The following STT3B variants were observed in gnomAD, a reference collection of about 807,000 sequenced individuals.
The protein encoded by STT3B is dolichyl-diphosphooligosaccharide--protein glycosyltransferase subunit STT3B.
Under a neutral mutation model 96.8 loss-of-function variants are expected in STT3B, and 29 were observed. The ratio of observed to expected loss-of-function variants is 0.30; its 90% confidence interval spans 0.22 to 0.41. The LOEUF (loss-of-function observed/expected upper bound fraction) is 0.41. Among genes scored for constraint, STT3B ranks in the 10% least tolerant of loss-of-function variants. The probability of loss-of-function intolerance (pLI) is 1.00; values close to 1 mark genes in which losing one functional copy is unlikely to be tolerated. For synonymous variants in STT3B, 367 were observed against 360.0 expected (o/e 1.02, Z -0.22); for missense variants, 640 against 1,022.3 (o/e 0.63, Z 5.10).
At chr3:31,553,290 A>T (rs943032679) in intron 1 of STT3B, among the ~76,000 whole-genome samples, 2 of 152,130 alleles carry the variant, frequency 1.3e-5, no homozygotes, top group African/African-American at 2.4e-5. Flanking sequence ...CTGTGTCCTT[A>T]AAAAAGGCTT....
chr3:31,623,333 G>C (rs1361679598), intron 10 of STT3B, among the ~76,000 whole-genome samples: 1 of 152,120 alleles, frequency 6.6e-6, no homozygotes, highest in East Asian at 1.9e-4. Context: ...GATTTTATAA[G>C]AATTTACATA....
intron 1 of STT3B, among the ~76,000 whole-genome samples, chr3:31,537,633 A>G (rs1179912526): frequency 6.6e-6 from 1 of 152,064 alleles, no homozygotes; most frequent in Non-Finnish European, 1.5e-5. Flanking sequence ...TATGGTTTTC[A>G]TATCGTAAAG....
chr3:31,634,089 A>G (rs1699715589), intron 15 of STT3B, among the ~76,000 whole-genome samples: 1 of 152,204 alleles, frequency 6.6e-6, no homozygotes, highest in African/African-American at 2.4e-5. Flanking sequence ...TTTTATATGA[A>G]TATGTGCCAG....
At position 31,550,879 on chromosome 3, in the gene STT3B, G is replaced by T. The variant is rs140579198; in HGVS notation, c.314+17567G>T. On this transcript the variant is annotated intron_variant, in intron 1 of 15. Coordinates refer to ENST00000295770, the MANE Select transcript of STT3B (RefSeq NM_178862.3). Reference sequence around the variant, plus strand: ...TTTTTGATCCTGCCACTAGATGGCAGGAGCAATAAAAGGTAGATTGAAATG... The same window carrying T: ...TTTTTGATCCTGCCACTAGATGGCATGAGCAATAAAAGGTAGATTGAAATG... 1.2e-3 allele frequency among the ~76,000 whole-genome samples: 188 copies of T among 152,108 alleles called. 2 individuals carry two copies. The highest frequency in any genetic ancestry group is 6.8e-3 in the Middle Eastern group (2 of 294).
chr3:31,576,432 T>G lies in STT3B; in HGVS notation c.351T>G (p.His117Gln). The change falls in exon 2 of 16, where the codon CAT (histidine) becomes CAG (glutamine). Residue 117 changes from histidine (H) to glutamine (Q), a missense_variant. Transcript: ENST00000295770. ...GATCAACACATCATCTTGCATCTCATGGGTTCTATGAATTTTTAAATTGGT... is the reference window on the plus strand; with the variant it reads ...GATCAACACATCATCTTGCATCTCAGGGGTTCTATGAATTTTTAAATTGGT... ...NYRSTHHLAS[H>Q]GFYEFLNWFD... The G allele has an allele frequency of 6.2e-7, 1 of 1,605,380 alleles. No individual in the cohort carries two copies. The highest frequency in any genetic ancestry group is 8.5e-7 in the Non-Finnish European group (1 of 1,175,086).
chr3:31,624,623 C>T (rs1699493906), intron 11 of STT3B, among the ~76,000 whole-genome samples: 1 of 150,088 alleles, frequency 6.7e-6, no homozygotes. Flanking sequence ...GCTTATTAGG[C>T]TTGTACACTA....
At position 31,625,043 on chromosome 3, in the gene STT3B, G is replaced by A. The variant is rs539276584; in HGVS notation, c.1857G>A (p.Thr619=). ...TAGCTGGAATGGCTAATAGAACTACGTTGGTGGATAATAACACCTGGAATA... is the reference window on the plus strand; with the variant it reads ...TAGCTGGAATGGCTAATAGAACTACATTGGTGGATAATAACACCTGGAATA... The part of the protein sequence containing the change: ...YQIAGMANRT[T]LVDNNTWNNS... Residue 619 remains threonine, a synonymous_variant, in exon 12 of 16, where the codon ACG becomes ACA. Coordinates refer to ENST00000295770, the MANE Select transcript of STT3B (RefSeq NM_178862.3). 2.0e-5 allele frequency: 32 copies of A among 1,613,666 alleles called. No individual in the cohort carries two copies. Among genetic ancestry groups the A allele is most frequent in the South Asian group, 7.7e-5 (7 of 91,038 alleles).
chr3:31,579,477 T>TTAAAA (rs1193527668), intron 2 of STT3B, among the ~76,000 whole-genome samples: 7 of 67,448 alleles, frequency 1.0e-4, no homozygotes, highest in East Asian at 4.2e-4. Flanking sequence ...CCTGTTTTGA[T>TTAAAA]AAAAAAAAAA....
At chr3:31,595,242 A>T (rs1212130253) in intron 3 of STT3B, among the ~76,000 whole-genome samples, 1 of 152,234 alleles carries the variant, frequency 6.6e-6, no homozygotes, top group East Asian at 1.9e-4. Context: ...AAAAGTGAGT[A>T]GGAGAAGTTC....
At chr3:31,595,525 C>T (rs1193179866) in intron 3 of STT3B, among the ~76,000 whole-genome samples, 1 of 152,060 alleles carries the variant, frequency 6.6e-6, no homozygotes, top group Non-Finnish European at 1.5e-5. Context: ...TTTCTGTTTT[C>T]ATGCAGTTAG....
intron 1 of STT3B, among the ~76,000 whole-genome samples, chr3:31,569,732 G>T (rs565866060): frequency 8.6e-4 from 131 of 152,012 alleles, no homozygotes; most frequent in African/African-American, 2.9e-3. Flanking sequence ...TTTTATTTTG[G>T]TGACTGCTAA....
chr3:31,553,109 A>C (rs111457284), intron 1 of STT3B, among the ~76,000 whole-genome samples: 1 of 151,906 alleles, frequency 6.6e-6, no homozygotes, highest in East Asian at 1.9e-4. Flanking sequence ...CTCAAAAAAA[A>C]AAAAAAAAAA....
rs911095503 is a variant in STT3B, at chr3:31,615,123, T to C, written c.896T>C (p.Ile299Thr). Residue 299 changes from isoleucine (I) to threonine (T), a missense_variant, in exon 6 of 16, where the codon ATT becomes ACT. Coordinates refer to ENST00000295770, the MANE Select transcript of STT3B (RefSeq NM_178862.3). ...TTTATAGCATATAGCACTTTCTACA[T>C]TGTGGGTTTAATATTATCAATGCAG... The part of the protein sequence containing the change: ...RVYIAYSTFY[I>T]VGLILSMQIP... 9.9e-6 allele frequency: 16 copies of C among 1,609,126 alleles called. No individual in the cohort carries two copies. The highest frequency in any genetic ancestry group is 1.4e-5 in the Non-Finnish European group (16 of 1,176,746).
chr3:31,581,897 A>T (rs562493951), intron 3 of STT3B, among the ~76,000 whole-genome samples: 2 of 152,248 alleles, frequency 1.3e-5, no homozygotes, highest in East Asian at 3.9e-4. Flanking sequence ...CAGATTCTCT[A>T]TTTCATCATG....
chr3:31,630,293 G>T (rs950062501), intron 14 of STT3B, among the ~76,000 whole-genome samples: 1 of 152,180 alleles, frequency 6.6e-6, no homozygotes, highest in Non-Finnish European at 1.5e-5. Context: ...CCCAGAGAAA[G>T]CACCAGAGGA....
At chr3:31,627,321 A>G (rs1366565214) in intron 13 of STT3B, among the ~76,000 whole-genome samples, 1 of 152,174 alleles carries the variant, frequency 6.6e-6, no homozygotes, top group Non-Finnish European at 1.5e-5. Flanking sequence ...CATGTTCCTT[A>G]TGAGAATCTA....
At chr3:31,615,326 C>T in intron 6 of STT3B, 123 bp downstream of exon 6, 3 of 667,318 alleles carry the variant, frequency 4.5e-6, no homozygotes, top group Non-Finnish European at 2.5e-6. Context: ...TAATCTGACT[C>T]ACAATTATGG....
chr3:31,547,993 G>A (rs1309110333), intron 1 of STT3B, among the ~76,000 whole-genome samples: 2 of 152,160 alleles, frequency 1.3e-5, no homozygotes, highest in Non-Finnish European at 2.9e-5. Flanking sequence ...TTAGTGGAAG[G>A]ATTCTTGGAC....
rs148296011 is a variant in STT3B, at chr3:31,566,510, A to G, written c.315-9886A>G. ...TAATTGTGCAGAAGTAGTGTACACA[A>G]CATAAATTACCACTCCCCTTCTTGA... is the stretch of plus-strand genomic sequence containing the variant. On this transcript the variant is annotated intron_variant, in intron 1 of 15. Coordinates refer to ENST00000295770, the MANE Select transcript of STT3B (RefSeq NM_178862.3). Among the ~76,000 whole-genome samples, 8 of 152,310 alleles carry G rather than the reference A, an allele frequency of 5.3e-5. 1 individual carries two copies. The highest frequency in any genetic ancestry group is 2.6e-4 in the Admixed American group (4 of 15,288).
Sources: gnomAD v4.1 joint callset for allele counts (sites outside exome capture counted in the v4.1 genomes callset) on GRCh38, gnomAD v4.1.1 for gene constraint, MANE v1.5 for transcripts, NCBI Gene and HGNC (gene_info 2026-07-23, HGNC 2026-07-21) for gene names.